Variants in SCFD2 observed in about 807,000 individuals in gnomAD.
SCFD2 encodes the protein sec1 family domain containing 2.
In SCFD2, 54 loss-of-function variants were observed where a neutral mutation model predicts 58.9. The ratio of observed to expected loss-of-function variants is 0.92; its 90% CI spans 0.74 to 1.15. SCFD2 has a LOEUF of 1.15. Ranked by LOEUF, SCFD2 falls within the 50% of genes most tolerant of loss-of-function variation. The pLI is 0.00. For missense variants in SCFD2, 805 were observed against 836.6 expected (o/e 0.96, Z 0.47); for synonymous variants, 321 against 335.9 (o/e 0.96, Z 0.49).
chr4:53,151,641 G>A (rs560727435), intron 4 of SCFD2, among the ~76,000 whole-genome samples: 35 of 152,318 alleles, frequency 2.3e-4, no homozygotes, highest in Non-Finnish European at 5.0e-4. Context: ...TGCACAGCCT[G>A]AAAACACTCA....
intron 4 of SCFD2, among the ~76,000 whole-genome samples, chr4:53,173,117 A>G (rs1727226654): frequency 6.6e-6 from 1 of 152,020 alleles, no homozygotes; most frequent in Non-Finnish European, 1.5e-5. Context: ...TTGTCTCTTT[A>G]CAGTTTTTGA....
At chr4:52,909,142 G>A (rs913219423) in intron 6 of SCFD2, among the ~76,000 whole-genome samples, 3 of 152,142 alleles carry the variant, frequency 2.0e-5, no homozygotes, top group African/African-American at 7.2e-5. Flanking sequence ...AATGCAGAGA[G>A]CAATTCGGTA....
In SCFD2 at chr4:53,298,690, C is replaced by G. The variant is rs189184608; in HGVS notation, c.1135+14946G>C. Reference sequence around the variant, plus strand: ...CCCCGAGTAGCCTAACTGGGAGGCACCCCCCAGTAGCGGTGAACTGACACC... The same window carrying G: ...CCCCGAGTAGCCTAACTGGGAGGCAGCCCCCAGTAGCGGTGAACTGACACC... On this transcript the variant is annotated intron_variant, in intron 3 of 8. Transcript: ENST00000401642. 2.6e-5 allele frequency among the ~76,000 whole-genome samples: 4 copies of G among 152,126 alleles called. 1 individual carries two copies. Among genetic ancestry groups the G allele is most frequent in the South Asian group, 4.2e-4 (2 of 4,814 alleles).
At chr4:53,147,521 G>A (rs1015405002) in intron 4 of SCFD2, among the ~76,000 whole-genome samples, 18 of 152,316 alleles carry the variant, frequency 1.2e-4, no homozygotes, top group Admixed American at 5.2e-4. Flanking sequence ...TGGAATGGAC[G>A]AGGTAAAAAT....
At chr4:53,347,204 C>T (rs1039815868) in intron 2 of SCFD2, among the ~76,000 whole-genome samples, 1 of 152,200 alleles carries the variant, frequency 6.6e-6, no homozygotes, top group Admixed American at 6.5e-5. Flanking sequence ...AAGCCAATGA[C>T]AGTGTTCAAA....
At chr4:53,240,735 C>G (rs1189289313) in intron 4 of SCFD2, among the ~76,000 whole-genome samples, 2 of 152,224 alleles carry the variant, frequency 1.3e-5, no homozygotes, top group African/African-American at 4.8e-5. Context: ...TAAAGCAAAG[C>G]TTGAAAAAGA....
chr4:53,332,092 G>A (rs2149133607), intron 2 of SCFD2, among the ~76,000 whole-genome samples: 1 of 152,156 alleles, frequency 6.6e-6, no homozygotes, highest in Non-Finnish European at 1.5e-5. Context: ...AGCTGAAATT[G>A]TGGCAATAAT....
chr4:53,217,029 G>A (rs1350257820), intron 4 of SCFD2, among the ~76,000 whole-genome samples: 1 of 152,146 alleles, frequency 6.6e-6, no homozygotes, highest in African/African-American at 2.4e-5. Context: ...TATAATTTCT[G>A]TTCTTTTACA....
intron 5 of SCFD2, among the ~76,000 whole-genome samples, chr4:52,974,112 G>C (rs1721185889): frequency 6.6e-6 from 1 of 152,164 alleles, no homozygotes; most frequent in Admixed American, 6.5e-5. Flanking sequence ...ACGGGCACAA[G>C]ACAGGGATGC....
chr4:53,079,741 C>T (rs1203265886), intron 5 of SCFD2, among the ~76,000 whole-genome samples: 1 of 152,102 alleles, frequency 6.6e-6, no homozygotes, highest in Non-Finnish European at 1.5e-5. Flanking sequence ...TGCTTACATT[C>T]CCCTTACATT....
intron 5 of SCFD2, among the ~76,000 whole-genome samples, chr4:52,945,934 C>T (rs1720412791): frequency 6.6e-6 from 1 of 152,014 alleles, no homozygotes; most frequent in Non-Finnish European, 1.5e-5. Flanking sequence ...GGGTTATATT[C>T]TTTTCTTTTC....
intron 3 of SCFD2, among the ~76,000 whole-genome samples, chr4:53,282,506 T>C (rs1389023325): frequency 6.6e-6 from 1 of 152,088 alleles, no homozygotes; most frequent in Non-Finnish European, 1.5e-5. Flanking sequence ...TTACATACTA[T>C]AAAATTCCCC....
chr4:52,945,732 G>C (rs1030476766), intron 5 of SCFD2: 17 of 152,094 alleles, frequency 1.1e-4, no homozygotes, highest in African/African-American at 3.9e-4. Flanking sequence ...GATATTCCTG[G>C]ACATACTTTC....
Position 53,350,994 on chromosome 4 carries a change from G to A in SCFD2, c.1007+1604C>T, listed in dbSNP as rs114032644. ...CAAAGTGCTGGGATTACAGGCATAA[G>A]CCATTGTACCTGGCCTAAAGTCAAA... On this transcript the variant is annotated intron_variant, in intron 2 of 8. Coordinates refer to ENST00000401642, the MANE Select transcript of SCFD2 (RefSeq NM_152540.4). 6.8e-3 allele frequency among the ~76,000 whole-genome samples: 1,041 copies of A among 152,302 alleles called. 13 individuals carry two copies. The highest frequency in any genetic ancestry group is 0.024 in the African/African-American group (984 of 41,558).
chr4:52,882,775 G>C (rs1042456668), intron 8 of SCFD2, among the ~76,000 whole-genome samples: 2 of 152,154 alleles, frequency 1.3e-5, no homozygotes, highest in African/African-American at 4.8e-5. Flanking sequence ...TTGTGACTGT[G>C]TCAGTCAATA....
chr4:52,949,204 A>G (rs1367892086), intron 5 of SCFD2: 7 of 152,224 alleles, frequency 4.6e-5, no homozygotes, highest in Non-Finnish European at 7.3e-5. Flanking sequence ...AAAGGGTAAA[A>G]CATAGACTCC....
At chr4:53,004,231 C>T (rs1200060254) in intron 5 of SCFD2, among the ~76,000 whole-genome samples, 1 of 152,110 alleles carries the variant, frequency 6.6e-6, no homozygotes, top group African/African-American at 2.4e-5. Flanking sequence ...TCTAGAGCTG[C>T]CCAATCCAGT....
intron 3 of SCFD2, among the ~76,000 whole-genome samples, chr4:53,297,312 C>T (rs546403413): frequency 1.3e-5 from 2 of 152,276 alleles, no homozygotes; most frequent in South Asian, 2.1e-4. Context: ...CTTTATGAAT[C>T]TGGGTGCTCC....
At chr4:52,992,796 C>T (rs1022881154) in intron 5 of SCFD2, among the ~76,000 whole-genome samples, 13 of 151,760 alleles carry the variant, frequency 8.6e-5, no homozygotes, top group South Asian at 6.3e-4. Flanking sequence ...GCCAGGCAGC[C>T]GCCCCGTCCG....
Sources: gnomAD v4.1 joint callset for allele counts (sites outside exome capture counted in the v4.1 genomes callset) on GRCh38, gnomAD v4.1.1 for gene constraint, MANE v1.5 for transcripts, NCBI Gene and HGNC (gene_info 2026-07-23, HGNC 2026-07-21) for gene names.